Variants in WBP2NL observed in about 807,000 individuals in gnomAD.
The protein encoded by WBP2NL is postacrosomal sheath WW domain-binding protein.
A neutral mutation model predicts 23.3 loss-of-function variants in WBP2NL; 27 were observed. The ratio of observed to expected loss-of-function variants is 1.16; its 90% CI spans 0.85 to 1.60. WBP2NL has a LOEUF of 1.60. WBP2NL is among the 40% of genes most tolerant of loss of function. The pLI is 0.00. For missense variants in WBP2NL, 370 were observed against 389.5 expected, an observed-to-expected ratio of 0.95 and a Z score of 0.42; for synonymous variants, 151 against 145.9, an observed-to-expected ratio of 1.03 and a Z score of -0.25.
In WBP2NL at chr22:42,028,262, A is replaced by ATT; in HGVS notation, c.*1084_*1085dup. On this transcript the variant is annotated 3_prime_UTR_variant, in exon 6 of 6. Transcript: ENST00000328823. ...GTTGTAGGGAGCATATACTATAGTG[A>ATT]TTTTCAGCCTCATCAGACTGAATGC... 2.5e-6 allele frequency: 1 copy of ATT among 394,812 alleles called. No individual in the cohort carries two copies. Among genetic ancestry groups the ATT allele is most frequent in the Non-Finnish European group, 4.5e-6 (1 of 224,316 alleles). The allele number at this position is 394,812 out of a possible 1,614,324, so 24.5% of individuals were successfully genotyped here. A position where few individuals can be genotyped will look rare whatever the true frequency, so the allele number is the denominator to read the frequency against.
chr22:42,038,568 C>T (rs192096677), intron 8 of WBP2NL, among the ~76,000 whole-genome samples: 276 of 152,088 alleles, frequency 1.8e-3, no homozygotes, highest in African/African-American at 6.5e-3. Context: ...GTAGAATTAG[C>T]ATATGAAACC....
At chr22:42,049,613 C>G (rs981402604) in intron 8 of WBP2NL, among the ~76,000 whole-genome samples, 1 of 142,056 alleles carries the variant, frequency 7.0e-6, no homozygotes, top group African/African-American at 2.7e-5. Context: ...TGGCATGAAC[C>G]CAGGAGGCAG....
chr22:42,039,614 G>C (rs2146815300), intron 8 of WBP2NL, among the ~76,000 whole-genome samples: 1 of 152,030 alleles, frequency 6.6e-6, no homozygotes, highest in South Asian at 2.1e-4. Flanking sequence ...ATTTCTTCTA[G>C]GTTATTCCAT....
intron 8 of WBP2NL, among the ~76,000 whole-genome samples, chr22:42,042,158 A>G (rs947743744): frequency 8.5e-5 from 13 of 152,146 alleles, no homozygotes; most frequent in African/African-American, 2.7e-4. Context: ...TGTTCAACCT[A>G]TTTGGGATCC....
intron 1 of WBP2NL, among the ~76,000 whole-genome samples, chr22:41,999,085 C>G (rs1921257196): frequency 7.6e-6 from 1 of 132,262 alleles, no homozygotes; most frequent in African/African-American, 2.8e-5. Flanking sequence ...CGCGTGGCCT[C>G]GCGCGTTTGA....
chr22:42,012,866 C>T (rs550164861), intron 1 of WBP2NL, among the ~76,000 whole-genome samples: 2 of 151,926 alleles, frequency 1.3e-5, no homozygotes, highest in East Asian at 1.9e-4. Context: ...GTGGCACGCA[C>T]CTGTAGTCCC....
At position 42,022,320 on chromosome 22, in the gene WBP2NL, G is replaced by A; in HGVS notation, c.478G>A (p.Glu160Lys). The A allele has an allele frequency of 1.9e-6, 3 of 1,614,076 alleles. No individual in the cohort carries two copies. Among genetic ancestry groups the A allele is most frequent in the Non-Finnish European group, 2.5e-6 (3 of 1,179,960 alleles). Residue 160 changes from glutamate to lysine, a missense_variant, in exon 5 of 6, where the codon GAA (glutamate) becomes AAA (lysine). Glu to Lys is a moderately conservative substitution (Grantham distance 56). Transcript: ENST00000328823. ...TATGGGAATTTATGTAATTACTGGG[G>A]AAGGGAATATGTGCACTCCACAGAT... Reference protein sequence around the residue: ...SSMGIYVITGEGNMCTPQMPC... With the variant: ...SSMGIYVITGKGNMCTPQMPC...
intron 8 of WBP2NL, among the ~76,000 whole-genome samples, chr22:42,056,009 A>G (rs542995794): frequency 7.5e-5 from 10 of 132,898 alleles, no homozygotes; most frequent in South Asian, 2.1e-4. Flanking sequence ...CTGTCGATCT[A>G]TGTTTAATCC....
chr22:42,035,597 T>C (rs1925153630), downstream of WBP2NL, among the ~76,000 whole-genome samples: 1 of 152,264 alleles, frequency 6.6e-6, no homozygotes, highest in South Asian at 2.1e-4. Context: ...ATCATTAATA[T>C]GTAGCTATTA....
intron 1 of WBP2NL, among the ~76,000 whole-genome samples, chr22:42,011,492 A>G (rs373066895): frequency 5.3e-5 from 8 of 152,056 alleles, no homozygotes; most frequent in South Asian, 2.1e-4. Flanking sequence ...GCCTCGAGCA[A>G]TCCTCCTGTC....
At chr22:42,037,459 A>AT (rs34867137), downstream of WBP2NL, among the ~76,000 whole-genome samples, 38,300 of 149,796 alleles carry the variant, frequency 0.26, 6,190 homozygotes, top group African/African-American at 0.46. Context: ...GAATTTTAGG[A>AT]TTTTTTTTTT....
intron 1 of WBP2NL, among the ~76,000 whole-genome samples, chr22:42,002,312 G>T (rs974941019): frequency 1.3e-5 from 2 of 152,192 alleles, no homozygotes; most frequent in African/African-American, 4.8e-5. Flanking sequence ...GCCAGGCGTG[G>T]TGGCTCACGC....
chr22:42,026,865 G>GCCCGCCTGTGGGATACAGAGC lies in WBP2NL; in HGVS notation c.616_636dup (p.Pro206_Ala212dup). 2 of 1,603,578 alleles carry GCCCGCCTGTGGGATACAGAGC rather than the reference G, an allele frequency of 1.2e-6. No individual in the cohort carries two copies. Among genetic ancestry groups the GCCCGCCTGTGGGATACAGAGC allele is most frequent in the Non-Finnish European group, 1.7e-6 (2 of 1,177,200 alleles). ...GGAGCCCAACCCGTAGGAAATGAAG[G>GCCCGCCTGTGGGATACAGAGC]CCCGCCTGTGGGATACAGAGCCTCA... On this transcript the variant is annotated inframe_insertion, in exon 6 of 6. Coordinates refer to ENST00000328823, the MANE Select transcript of WBP2NL (RefSeq NM_152613.3).
At chr22:42,010,983 A>G in intron 1 of WBP2NL, among the ~76,000 whole-genome samples, 1 of 152,144 alleles carries the variant, frequency 6.6e-6, no homozygotes, top group African/African-American at 2.4e-5. Flanking sequence ...AGTAAACCCC[A>G]TTTGGTCATA....
Position 42,001,864 on chromosome 22 carries a change from G to A in WBP2NL, c.62+2984G>A, listed in dbSNP as rs542687087. On this transcript the variant is annotated intron_variant, in intron 1 of 5. Coordinates refer to ENST00000328823, the MANE Select transcript of WBP2NL (RefSeq NM_152613.3). ...TTGCTGGCATGCTGCACCTGTAGCA[G>A]CAGCTTGACCCGCTCGATGGGTGCT... 349 of 1,478,642 alleles carry A rather than the reference G, an allele frequency of 2.4e-4. 1 individual carries two copies. In the African/African-American group the frequency reaches 4.4e-3, roughly 19 times the overall value. 91.6% of individuals were successfully genotyped at this position (1,478,642 alleles called of 1,614,324 possible). A position where few individuals can be genotyped will look rare whatever the true frequency, so the allele number is the denominator to read the frequency against.
chr22:42,037,507 G>A (rs558974043), downstream of WBP2NL, among the ~76,000 whole-genome samples: 17 of 151,936 alleles, frequency 1.1e-4, no homozygotes, highest in Non-Finnish European at 2.2e-4. Flanking sequence ...TTTTGATAGG[G>A]ATTGCATTGA....
chr22:42,056,285 GC>G (rs1461243940), intron 8 of WBP2NL, among the ~76,000 whole-genome samples: 1 of 90,038 alleles, frequency 1.1e-5, no homozygotes, highest in Non-Finnish European at 2.7e-5. Flanking sequence ...CAAAAATTTT[GC>G]TTCTTATATA....
intron 1 of WBP2NL, among the ~76,000 whole-genome samples, chr22:42,010,699 C>T (rs532511107): frequency 1.5e-4 from 23 of 152,132 alleles, no homozygotes; most frequent in African/African-American, 4.3e-4. Context: ...CCACCACACC[C>T]GGCTAATTTT....
At chr22:42,048,122 A>G (rs1369935295) in intron 8 of WBP2NL, among the ~76,000 whole-genome samples, 1 of 152,004 alleles carries the variant, frequency 6.6e-6, no homozygotes, top group Non-Finnish European at 1.5e-5. Context: ...CACATCAACA[A>G]TCTAAAGAAG....
Sources: gnomAD v4.1 joint callset for allele counts (sites outside exome capture counted in the v4.1 genomes callset) on GRCh38, gnomAD v4.1.1 for gene constraint, MANE v1.5 for transcripts, NCBI Gene and HGNC (gene_info 2026-07-23, HGNC 2026-07-21) for gene names.